The following GALNT13 variants were observed in gnomAD, a reference collection of about 807,000 sequenced individuals.
GALNT13 encodes the protein polypeptide N-acetylgalactosaminyltransferase 13.
In GALNT13, 28 loss-of-function variants were observed where a neutral mutation model predicts 64.2. The ratio of observed to expected loss-of-function variants is 0.44; its 90% CI spans 0.32 to 0.60. The LOEUF is 0.60. Ranked by LOEUF, GALNT13 falls within the 20% of genes least tolerant of loss-of-function variation. The probability of loss-of-function intolerance (pLI) is 0.05; values close to 1 mark genes in which losing one functional copy is unlikely to be tolerated. For missense variants in GALNT13, 577 were observed against 669.8 expected, an observed-to-expected ratio of 0.86 and a Z score of 1.53; for synonymous variants, 214 against 224.6, an observed-to-expected ratio of 0.95 and a Z score of 0.42.
chr2:154,129,908 CTACTGCT>C (rs1682514563), intron 3 of GALNT13, among the ~76,000 whole-genome samples: 1 of 152,038 alleles, frequency 6.6e-6, no homozygotes, highest in Non-Finnish European at 1.5e-5. Flanking sequence ...AACCTGTTAG[CTACTGCT>C]CATGGTTTAG....
Position 154,396,048 on chromosome 2 carries a change from T to G in GALNT13, c.1214T>G (p.Leu405Arg). The change falls in exon 10 of 13, where the codon CTG (leucine) becomes CGG (arginine). Residue 405 changes from leucine to arginine, a missense_variant. Transcript: ENST00000392825. Reference sequence around the variant, plus strand: ...GTCAGAAAAACACTAAGAGAAAATCTGAAGTGTAAGCCCTTTTCTTGGTAC... The same window carrying G: ...GTCAGAAAAACACTAAGAGAAAATCGGAAGTGTAAGCCCTTTTCTTGGTAC... ...VSVRKTLREN[L>R]KCKPFSWYLE... 1 of 1,611,262 alleles carries G rather than the reference T, an allele frequency of 6.2e-7. No individual in the cohort carries two copies. The highest frequency in any genetic ancestry group is 1.1e-5 in the South Asian group (1 of 90,756).
chr2:154,314,141 G>A (rs537948807), intron 9 of GALNT13, among the ~76,000 whole-genome samples: 1 of 152,202 alleles, frequency 6.6e-6, no homozygotes, highest in East Asian at 1.9e-4. Context: ...TACATACGGA[G>A]GCTTTATTAT....
At chr2:153,460,976 A>G in the GALNT13 span, among the ~76,000 whole-genome samples, 1 of 152,204 alleles carries the variant, frequency 6.6e-6, no homozygotes, top group Non-Finnish European at 1.5e-5. Flanking sequence ...GGTGAAAAAT[A>G]GGAAGAAAAA....
the GALNT13 span, among the ~76,000 whole-genome samples, chr2:153,305,625 C>A: frequency 6.6e-6 from 1 of 152,014 alleles, no homozygotes; most frequent in Admixed American, 6.5e-5. Context: ...CTGGATAGAC[C>A]TTACAGTTTG....
chr2:153,789,014 C>A, the GALNT13 span, among the ~76,000 whole-genome samples: 1 of 152,090 alleles, frequency 6.6e-6, no homozygotes, highest in Non-Finnish European at 1.5e-5. Context: ...GACTTTAACA[C>A]CCCACTGACA....
At chr2:154,179,254 A>G (rs548539616) in intron 4 of GALNT13, among the ~76,000 whole-genome samples, 152 of 152,284 alleles carry the variant, frequency 1.0e-3, no homozygotes, top group Non-Finnish European at 1.7e-3. Context: ...TCCCTCATCT[A>G]GAGAATACAT....
At chr2:153,222,784 T>G in the GALNT13 span, among the ~76,000 whole-genome samples, 1 of 152,098 alleles carries the variant, frequency 6.6e-6, no homozygotes, top group Admixed American at 6.5e-5. Flanking sequence ...CAGCCACAAC[T>G]TTGCTCTGCC....
chr2:153,833,559 A>C, the GALNT13 span, among the ~76,000 whole-genome samples: 4 of 152,160 alleles, frequency 2.6e-5, no homozygotes. Flanking sequence ...GTAATTGTTG[A>C]TAATCTCTTA....
intron 3 of GALNT13, among the ~76,000 whole-genome samples, chr2:153,976,934 A>AT (rs1048366060): frequency 6.6e-6 from 1 of 152,126 alleles, no homozygotes; most frequent in African/African-American, 2.4e-5. Context: ...CCATCTACAC[A>AT]TTTTTTAAGC....
intron 8 of GALNT13, among the ~76,000 whole-genome samples, chr2:154,289,628 A>G (rs187198609): frequency 3.3e-5 from 5 of 152,248 alleles, no homozygotes; most frequent in South Asian, 2.1e-4. Context: ...CCCACAACAC[A>G]TGGGAATCAT....
intron 3 of GALNT13, among the ~76,000 whole-genome samples, chr2:154,003,345 G>C (rs1291784808): frequency 2.0e-5 from 3 of 152,168 alleles, no homozygotes; most frequent in Non-Finnish European, 4.4e-5. Context: ...GTGAGTCTAA[G>C]GAAATTCTCT....
the GALNT13 span, among the ~76,000 whole-genome samples, chr2:153,174,166 C>T: frequency 4.6e-5 from 7 of 152,246 alleles, no homozygotes; most frequent in Admixed American, 2.0e-4. Context: ...CTGTACCCTC[C>T]GAGTCCATGG....
chr2:154,290,500 T>C (rs1574027932), intron 8 of GALNT13, among the ~76,000 whole-genome samples: 1 of 152,372 alleles, frequency 6.6e-6, no homozygotes, highest in South Asian at 2.1e-4. Context: ...CCTTCCTTTC[T>C]GTTTAAGCTG....
chr2:154,175,804 A>G (rs1158743187), intron 4 of GALNT13, among the ~76,000 whole-genome samples: 4 of 152,222 alleles, frequency 2.6e-5, no homozygotes, highest in South Asian at 2.1e-4. Flanking sequence ...ACAAGCATAC[A>G]TGATAATCCC....
At chr2:153,191,737 G>A in the GALNT13 span, among the ~76,000 whole-genome samples, 3 of 149,748 alleles carry the variant, frequency 2.0e-5, no homozygotes, top group Admixed American at 2.0e-4. Context: ...ATTCAATGTT[G>A]TTACTTGTTA....
chr2:153,501,200 A>C, the GALNT13 span, among the ~76,000 whole-genome samples: 2 of 152,238 alleles, frequency 1.3e-5, no homozygotes, highest in African/African-American at 4.8e-5. Context: ...ATGATGACTC[A>C]AAAATTTTCA....
chr2:154,108,146 A>AT (rs1470443765), intron 3 of GALNT13, among the ~76,000 whole-genome samples: 1 of 150,266 alleles, frequency 6.7e-6, no homozygotes, highest in African/African-American at 2.4e-5. Context: ...TTGTAATTCT[A>AT]TTTTTTGGTT....
At chr2:153,501,158 C>T in the GALNT13 span, among the ~76,000 whole-genome samples, 2 of 151,896 alleles carry the variant, frequency 1.3e-5, no homozygotes, top group African/African-American at 4.8e-5. Flanking sequence ...AAATAGAATT[C>T]CAGATTACCG....
chr2:153,511,166 A>C, the GALNT13 span, among the ~76,000 whole-genome samples: 1 of 152,086 alleles, frequency 6.6e-6, no homozygotes, highest in Non-Finnish European at 1.5e-5. Context: ...GGAGCTATTA[A>C]AGTACATTTG....
Sources: gnomAD v4.1 joint callset for allele counts (sites outside exome capture counted in the v4.1 genomes callset) on GRCh38, gnomAD v4.1.1 for gene constraint, MANE v1.5 for transcripts, NCBI Gene and HGNC (gene_info 2026-07-23, HGNC 2026-07-21) for gene names.